FLNB: variants seen among roughly 807,000 people sequenced by gnomAD.
FLNB encodes the protein filamin-B.
A neutral mutation model predicts 250.6 loss-of-function variants in FLNB; 111 were observed. That is an observed-to-expected ratio of 0.44 (90% CI 0.38 to 0.52). The LOEUF (loss-of-function observed/expected upper bound fraction) is 0.52. Ranked by LOEUF, FLNB falls within the 20% of genes least tolerant of loss-of-function variation. The probability of loss-of-function intolerance (pLI) is 0.00; values close to 1 mark genes in which losing one functional copy is unlikely to be tolerated. For synonymous variants in FLNB, 1,302 were observed against 1,372.1 expected, an observed-to-expected ratio of 0.95 and a Z score of 1.13; for missense variants, 2,869 against 3,447.8, an observed-to-expected ratio of 0.83 and a Z score of 4.20.
At position 58,141,868 on chromosome 3, in the gene FLNB, G is replaced by T; in HGVS notation, c.5120G>T (p.Gly1707Val). ...NSPFTVMATD[G>V]EVTAVEEAPV... ...TTTGCCACTGACCAGGCCACAGATG[G>T]GGAAGTCACAGCCGTGGAGGAGGCA... The change falls in exon 30 of 46, where the codon GGG (glycine) becomes GTG (valine). Residue 1707 changes from glycine (G) to valine (V), a missense_variant. Coordinates refer to ENST00000295956, the MANE Select transcript of FLNB (RefSeq NM_001457.4). 5.0e-6 allele frequency: 8 copies of T among 1,614,136 alleles called. No individual in the cohort carries two copies. The highest frequency in any genetic ancestry group is 5.9e-6 in the Non-Finnish European group (7 of 1,179,962).
intron 9 of FLNB, among the ~76,000 whole-genome samples, chr3:58,103,056 G>T (rs530864685): frequency 6.6e-6 from 1 of 152,158 alleles, no homozygotes; most frequent in Non-Finnish European, 1.5e-5. Context: ...TGAGCTTCCT[G>T]TACCAGGATT....
rs576182710 is a variant in FLNB at position 58,155,073 on chromosome 3, C to A, written c.6772+145C>A. 10 of 828,326 alleles carry A rather than the reference C, an allele frequency of 1.2e-5. No homozygotes were observed. In the East Asian group the frequency reaches 1.6e-4, roughly 13 times the overall value. The allele number at this position is 828,326 out of a possible 1,614,324, so 51.3% of individuals were successfully genotyped here. A position where few individuals can be genotyped will look rare whatever the true frequency, so the allele number is the denominator to read the frequency against. On this transcript the variant is annotated intron_variant, in intron 40 of 45. Coordinates refer to ENST00000295956, the MANE Select transcript of FLNB (RefSeq NM_001457.4). ...GGACAGCCTCCTAGAAATCCAGTTG[C>A]AAGATACATGGCCAGACCTCTTAAG... is the stretch of plus-strand genomic sequence containing the variant.
intron 1 of FLNB, among the ~76,000 whole-genome samples, chr3:58,013,495 A>G (rs2097101824): frequency 6.6e-6 from 1 of 152,234 alleles, no homozygotes; most frequent in Non-Finnish European, 1.5e-5. Flanking sequence ...AGCAGATGCC[A>G]GCATGTCTTT....
At chr3:58,090,860 T>C (rs749583148) in intron 4 of FLNB, among the ~76,000 whole-genome samples, 5 of 152,056 alleles carry the variant, frequency 3.3e-5, no homozygotes, top group African/African-American at 4.8e-5. Context: ...GGGCGGATCA[T>C]GAGGTCAGGA....
Position 58,099,068 on chromosome 3 carries a change from A to G in FLNB, c.1345+160A>G, listed in dbSNP as rs3732638. Among the ~76,000 whole-genome samples, 66,554 of 152,008 alleles carry G rather than the reference A, an allele frequency of 0.44. 16,204 individuals carry two copies. The highest frequency in any genetic ancestry group is 0.92 in the East Asian group (4,764 of 5,166). On this transcript the variant is annotated intron_variant, in intron 8 of 45. Transcript: ENST00000295956. ...CAGTAAGTGGCTTACTTTGTCCTCA[A>G]TATATTAATATTAATATCTTCTATG...
At chr3:58,099,153 C>G (rs1559691503) in intron 8 of FLNB, among the ~76,000 whole-genome samples, 2 of 152,182 alleles carry the variant, frequency 1.3e-5, no homozygotes, top group Admixed American at 6.5e-5. Context: ...CTCCAAAACA[C>G]ATGTACAGGA....
chr3:58,114,707 GT>G (rs568292098), intron 18 of FLNB, among the ~76,000 whole-genome samples: 52 of 138,820 alleles, frequency 3.7e-4, no homozygotes, highest in East Asian at 8.6e-4. Context: ...TTTTTTTTCT[GT>G]TTTTTTTTTT....
chr3:58,119,333 TA>T, intron 19 of FLNB, among the ~76,000 whole-genome samples: 1 of 152,292 alleles, frequency 6.6e-6, no homozygotes, highest in South Asian at 2.1e-4. Flanking sequence ...AAGTTTTCAT[TA>T]AAAAGAGAAT....
intron 18 of FLNB, among the ~76,000 whole-genome samples, chr3:58,116,302 G>A (rs2097277803): frequency 6.6e-6 from 1 of 152,232 alleles, no homozygotes; most frequent in Non-Finnish European, 1.5e-5. Flanking sequence ...GACACCCACA[G>A]GCACACCTTC....
intron 1 of FLNB, among the ~76,000 whole-genome samples, chr3:58,048,108 A>T (rs1018523160): frequency 6.6e-5 from 10 of 150,586 alleles, no homozygotes; most frequent in Non-Finnish European, 1.2e-4. Flanking sequence ...TGACAGTTTA[A>T]AAAAAAATGG....
At chr3:58,158,379 G>A (rs548827438) in intron 41 of FLNB, among the ~76,000 whole-genome samples, 1 of 152,306 alleles carries the variant, frequency 6.6e-6, no homozygotes, top group East Asian at 1.9e-4. Context: ...ATGGCCTCGT[G>A]GCTGGTGACT....
chr3:58,123,019 T>C (rs2107174328), intron 20 of FLNB, 74 bp from the exon 21 acceptor site: 3 of 1,315,098 alleles, frequency 2.3e-6, no homozygotes, highest in Non-Finnish European at 2.2e-6. Flanking sequence ...GCTGATTATA[T>C]GCATGGGTGT....
intron 1 of FLNB, among the ~76,000 whole-genome samples, chr3:58,032,109 C>CT (rs1372628235): frequency 6.6e-6 from 1 of 151,118 alleles, no homozygotes; most frequent in Non-Finnish European, 1.5e-5. Flanking sequence ...TTCTTTTTTT[C>CT]TTTTTTTGTA....
chr3:58,161,145 G>A (rs1425431722), intron 42 of FLNB, among the ~76,000 whole-genome samples: 2 of 152,218 alleles, frequency 1.3e-5, no homozygotes, highest in African/African-American at 4.8e-5. Context: ...TGCTCCCAGA[G>A]TGGTCCATTT....
chr3:58,041,641 C>T (rs990870682), intron 1 of FLNB, among the ~76,000 whole-genome samples: 5 of 152,310 alleles, frequency 3.3e-5, no homozygotes, highest in South Asian at 2.1e-4. Flanking sequence ...GTCACTGGGC[C>T]GGGAAGACAA....
At chr3:58,155,904 A>G in intron 40 of FLNB, 56 bp from the exon 41 acceptor site, 2 of 1,237,294 alleles carry the variant, frequency 1.6e-6, no homozygotes, top group Non-Finnish European at 1.2e-6. Flanking sequence ...GTGAGAAGCA[A>G]GAGTCCACTC....
At chr3:58,106,066 A>C (rs1431106240) in intron 11 of FLNB, among the ~76,000 whole-genome samples, 1 of 152,134 alleles carries the variant, frequency 6.6e-6, no homozygotes, top group Non-Finnish European at 1.5e-5. Context: ...TTATGCGTAA[A>C]TATAGGGTAT....
chr3:58,141,963 G>C (rs1343110590), intron 30 of FLNB, 34 bp downstream of exon 30: 1 of 1,570,298 alleles, frequency 6.4e-7, no homozygotes, highest in South Asian at 1.1e-5. Flanking sequence ...TTGTGTTTCT[G>C]TGTTTACTCA....
chr3:58,108,809 G>A (rs2097263851), intron 13 of FLNB, among the ~76,000 whole-genome samples: 1 of 152,178 alleles, frequency 6.6e-6, no homozygotes, highest in Non-Finnish European at 1.5e-5. Flanking sequence ...GTTTGTTTCA[G>A]GTTATTCTAT....
Sources: allele counts gnomAD v4.1 joint callset (sites outside exome capture counted in the v4.1 genomes callset), GRCh38; gene constraint gnomAD v4.1.1; transcripts MANE v1.5; gene names NCBI Gene and HGNC (gene_info 2026-07-23, HGNC 2026-07-21).